Variants in PCDHGA2 observed in about 807,000 individuals in gnomAD.
PCDHGA2 encodes protocadherin gamma-A2.
Under a neutral mutation model 59.2 loss-of-function variants are expected in PCDHGA2, and 40 were observed. The observed-to-expected ratio is 0.68, with a 90% CI of 0.52 to 0.88. The LOEUF is 0.88. Among genes scored for constraint, PCDHGA2 ranks in the 40% least tolerant of loss-of-function variants. The pLI, the probability that PCDHGA2 is intolerant of heterozygous loss-of-function variation, is 0.00. For missense variants in PCDHGA2, 1,226 were observed against 1,204.0 expected (o/e 1.02, Z -0.27); for synonymous variants, 560 against 526.0 (o/e 1.06, Z -0.89).
At chr5:141,451,018 C>T (rs1307161489) in intron 1 of PCDHGA2, among the ~76,000 whole-genome samples, 7 of 151,264 alleles carry the variant, frequency 4.6e-5, no homozygotes, top group African/African-American at 1.5e-4. Flanking sequence ...TTAGTAGAGA[C>T]GAGGTTTCAC....
chr5:141,394,996 C>T (rs1331251272), intron 1 of PCDHGA2: 1 of 1,613,916 alleles, frequency 6.2e-7, no homozygotes, highest in African/African-American at 1.3e-5. Flanking sequence ...CTCCAGGATT[C>T]CGGTGGCAGA....
In PCDHGA2 at chr5:141,476,978, C is replaced by G; in HGVS notation, c.2425-17829C>G. 1.2e-6 allele frequency: 2 copies of G among 1,614,256 alleles called. No individual in the cohort carries two copies. Among genetic ancestry groups the G allele is most frequent in the Non-Finnish European group, 1.7e-6 (2 of 1,180,058 alleles). Reference sequence around the variant, plus strand: ...TATTTACTCCTTCGGCAGCCACAACCGCGCCGGCGTGCGGCAACTATTCGC... The same window carrying G: ...TATTTACTCCTTCGGCAGCCACAACGGCGCCGGCGTGCGGCAACTATTCGC... On this transcript the variant is annotated intron_variant, in intron 1 of 3. Transcript: ENST00000394576. This position sits in a 1 kb window ranked among gnomAD's most constrained non-coding sequence, Gnocchi z 7.6.
At chr5:141,421,474 G>T (rs1320526226) in intron 1 of PCDHGA2, 3 of 1,614,014 alleles carry the variant, frequency 1.9e-6, no homozygotes, top group African/African-American at 2.7e-5. Flanking sequence ...TCCGCGAAGC[G>T]GCAGCTTGAT....
At chr5:141,410,767 G>T in intron 1 of PCDHGA2, 6 of 942,270 alleles carry the variant, frequency 6.4e-6, no homozygotes, top group South Asian at 2.2e-5. Context: ...TTCAATTATA[G>T]TTTTCACTAT....
intron 1 of PCDHGA2, chr5:141,394,570 A>G: frequency 6.2e-7 from 1 of 1,613,768 alleles, no homozygotes; most frequent in Non-Finnish European, 8.5e-7. Flanking sequence ...GAGCGTGGCT[A>G]CCTGGTGACC....
At chr5:141,375,323 G>A in intron 1 of PCDHGA2, 1 of 1,613,814 alleles carries the variant, frequency 6.2e-7, no homozygotes, top group Non-Finnish European at 8.5e-7. Context: ...AGACCGGGAA[G>A]AGGTATTCTT....
At position 141,477,146 on chromosome 5, in the gene PCDHGA2, G is replaced by A. The variant is rs1447966302; in HGVS notation, c.2425-17661G>A. The stretch of plus-strand genomic sequence containing the variant: ...TTGCAAAGTGTTGGTGGAGGTTGTG[G>A]ATGTGAATGACAACGCCCCGGAGAT... On this transcript the variant is annotated intron_variant, in intron 1 of 3. Coordinates refer to ENST00000394576, the MANE Select transcript of PCDHGA2 (RefSeq NM_018915.4). This position sits in a 1 kb window ranked among gnomAD's most constrained non-coding sequence, Gnocchi z 4.9. 1 of 1,614,182 alleles carries A rather than the reference G, an allele frequency of 6.2e-7. No homozygotes were observed. The highest frequency in any genetic ancestry group is 8.5e-7 in the Non-Finnish European group (1 of 1,180,044).
intron 1 of PCDHGA2, chr5:141,399,539 G>A (rs1324095299): frequency 1.2e-6 from 2 of 1,614,050 alleles, no homozygotes; most frequent in Non-Finnish European, 1.7e-6. Flanking sequence ...GCGCAAGTCT[G>A]CGCCTCGGAC....
intron 1 of PCDHGA2, chr5:141,422,419 A>G (rs1318381358): frequency 8.7e-6 from 14 of 1,607,158 alleles, no homozygotes; most frequent in Non-Finnish European, 1.2e-5. Context: ...ATTAGAAAAG[A>G]CTTATGGAAA....
At position 141,383,079 on chromosome 5, in the gene PCDHGA2, G is replaced by A. The variant is rs770794066; in HGVS notation, c.2424+41684G>A. 4 of 1,613,906 alleles carry A rather than the reference G, an allele frequency of 2.5e-6. No individual in the cohort carries two copies. In the South Asian group the frequency reaches 4.4e-5, roughly 18 times the overall value. ...TGGGGCTGGAGCCCCGGGAGCTGGC[G>A]GAGCGCGGAGTCCGCATCATCTCCA... is the stretch of plus-strand genomic sequence containing the variant. On this transcript the variant is annotated intron_variant, in intron 1 of 3. Transcript: ENST00000394576.
chr5:141,366,187 T>G (rs1297939104), intron 1 of PCDHGA2: 4 of 1,613,856 alleles, frequency 2.5e-6, no homozygotes, highest in African/African-American at 1.3e-5. Flanking sequence ...TCTTTGCGGT[T>G]GGGCTGCACA....
chr5:141,355,932 G>T lies in PCDHGA2; in HGVS notation c.2424+14537G>T, dbSNP rs139771811. The T allele has an allele frequency of 2.6e-4, 413 of 1,613,772 alleles. 2 individuals are homozygous for T. The African/African-American group carries it at 4.6e-3, about 18-fold the overall frequency. Reference sequence around the variant, plus strand: ...ACGATAATGCTCCCGTGTTCACTCAGCCCGAGTACCACGTAAGTGTTCGTG... The same window carrying T: ...ACGATAATGCTCCCGTGTTCACTCATCCCGAGTACCACGTAAGTGTTCGTG... On this transcript the variant is annotated intron_variant, in intron 1 of 3. Transcript: ENST00000394576.
rs373728953 is a variant in PCDHGA2 at position 141,491,753 on chromosome 5, C to A, written c.2425-3054C>A. The A allele has an allele frequency of 6.3e-7, 1 of 1,585,146 alleles. No homozygotes were observed. The highest frequency in any genetic ancestry group is 8.6e-7 in the Non-Finnish European group (1 of 1,166,912). On this transcript the variant is annotated intron_variant, in intron 1 of 3. Transcript: ENST00000394576. This position sits in a 1 kb window ranked among gnomAD's most constrained non-coding sequence, Gnocchi z 6.9. The stretch of plus-strand genomic sequence containing the variant: ...ACCCCTGGGGGCGGCACTGGAGAAG[C>A]CGCCCGTCCTCATAAGGGATTGAAC...
rs575250872 is a variant in PCDHGA2, at chr5:141,490,163, T to C, written c.2425-4644T>C. ...GGGGCAATCCATGTGTTGGGTCCCA[T>C]AGACTTTGAGGAGTCACGTTTCTAT... On this transcript the variant is annotated intron_variant, in intron 1 of 3. Transcript: ENST00000394576. This position sits in a 1 kb window ranked among gnomAD's most constrained non-coding sequence, Gnocchi z 5.4. 2 of 1,614,234 alleles carry C rather than the reference T, an allele frequency of 1.2e-6. No homozygotes were observed. The highest frequency in any genetic ancestry group is 2.2e-5 in the East Asian group (1 of 44,886).
intron 1 of PCDHGA2, chr5:141,388,422 C>T (rs68033444): frequency 0.056 from 89,796 of 1,613,752 alleles, 3,047 homozygotes; most frequent in African/African-American, 0.15. Flanking sequence ...TCATTTCTCA[C>T]TGATAAATAA....
rs775312856 is a variant in PCDHGA2, at chr5:141,485,899, C to G, written c.2425-8908C>G. 1.9e-6 allele frequency: 3 copies of G among 1,614,166 alleles called. No homozygotes were observed. Among genetic ancestry groups the G allele is most frequent in the Non-Finnish European group, 2.5e-6 (3 of 1,180,032 alleles). ...ACGTAAACGACAACGCCCCAGCCTT[C>G]CAGCAATCCAGCTACAGGATTAGTG... On this transcript the variant is annotated intron_variant, in intron 1 of 3. Transcript: ENST00000394576. The surrounding 1 kb of genome is among the most constrained non-coding windows in gnomAD (Gnocchi z 5.7).
At position 141,431,493 on chromosome 5, in the gene PCDHGA2, C is replaced by G. The variant is rs1281626711; in HGVS notation, c.2425-63314C>G. On this transcript the variant is annotated intron_variant, in intron 1 of 3. Transcript: ENST00000394576. The surrounding 1 kb of genome is among the most constrained non-coding windows in gnomAD (Gnocchi z 4.8). ...GACAACGCACCAGCGTTTGCTCAGC[C>G]CGAGTACCGCGCGAGCGTTCCGGAG... 1 of 1,613,994 alleles carries G rather than the reference C, an allele frequency of 6.2e-7. No individual in the cohort carries two copies. The highest frequency in any genetic ancestry group is 8.5e-7 in the Non-Finnish European group (1 of 1,180,042).
At chr5:141,373,976 G>A in intron 1 of PCDHGA2, 3 of 1,066,504 alleles carry the variant, frequency 2.8e-6, no homozygotes, top group South Asian at 2.6e-5. Context: ...CTTCGCATCC[G>A]GTCTCTGCTT....
chr5:141,418,862 G>C (rs749632113), intron 1 of PCDHGA2: 1 of 1,613,994 alleles, frequency 6.2e-7, no homozygotes, highest in Non-Finnish European at 8.5e-7. Context: ...TAAAGTAATT[G>C]TAGAAGTTGT....
Sources: gnomAD v4.1 joint callset for allele counts (sites outside exome capture counted in the v4.1 genomes callset) on GRCh38, gnomAD v4.1.1 for gene constraint, Gnocchi (gnomAD v3.1) non-coding constraint, MANE v1.5 for transcripts, NCBI Gene and HGNC (gene_info 2026-07-23, HGNC 2026-07-21) for gene names.